Variants in IL17REL observed in about 807,000 individuals in gnomAD.
IL17REL encodes interleukin 17 receptor E like, also known as interleukin-17 receptor E-like protein.
Under a neutral mutation model 49.0 loss-of-function variants are expected in IL17REL, and 36 were observed. That is an observed-to-expected ratio of 0.73 (90% CI 0.56 to 0.97). The LOEUF is 0.97. Among genes scored for constraint, IL17REL ranks in the 50% least tolerant of loss-of-function variants. The pLI, the probability that IL17REL is intolerant of heterozygous loss-of-function variation, is 0.00. For missense variants in IL17REL, 470 were observed against 453.9 expected (o/e 1.04, Z -0.32); for synonymous variants, 206 against 192.4 (o/e 1.07, Z -0.58).
At chr22:49,999,369 G>T (rs1601886746) in intron 6 of IL17REL, 24 bp from the exon 9 acceptor site, 4 of 1,612,724 alleles carry the variant, frequency 2.5e-6, no homozygotes, top group Non-Finnish European at 3.4e-6. Flanking sequence ...TGGGGTCAGC[G>T]CAGCCCACCC....
downstream of IL17REL, among the ~76,000 whole-genome samples, chr22:49,993,832 T>C (rs2061018073): frequency 6.6e-6 from 1 of 152,114 alleles, no homozygotes. This position sits in a 1 kb window ranked among gnomAD's most constrained non-coding sequence, Gnocchi z 6.0. Flanking sequence ...GCAGGGGTCT[T>C]TGTGCACCAC....
chr22:50,004,972 A>G lies in IL17REL; in HGVS notation c.-42+3665T>C, dbSNP rs1312980192. On this transcript the variant is annotated intron_variant, in intron 1 of 12. Coordinates refer to ENST00000341280, the Ensembl canonical transcript of IL17REL. ...AAGAAAGAATCAAAACCAGAAAGTAAAAAAAAAAAAAAAAAAAAAAGGTGA... is the reference window on the plus strand; with the variant it reads ...AAGAAAGAATCAAAACCAGAAAGTAGAAAAAAAAAAAAAAAAAAAAGGTGA... Among the ~76,000 whole-genome samples, 4 of 142,050 alleles carry G rather than the reference A, an allele frequency of 2.8e-5. No individual in the cohort carries two copies. The East Asian group carries it at 8.2e-4, about 29-fold the overall frequency. The allele number at this position is 142,050 out of a possible 152,430, so 93.2% of individuals were successfully genotyped here.
downstream of IL17REL, among the ~76,000 whole-genome samples, chr22:49,992,462 C>T (rs1377895324): frequency 2.0e-5 from 3 of 152,204 alleles, no homozygotes; most frequent in Non-Finnish European, 4.4e-5. Context: ...GGGTCTTGCT[C>T]TGTTACCCAG....
chr22:50,011,120 C>G (rs573087094), upstream of IL17REL, among the ~76,000 whole-genome samples: 29 of 151,894 alleles, frequency 1.9e-4, no homozygotes, highest in East Asian at 5.5e-3. Flanking sequence ...CAGGCAGCGC[C>G]CCTACACCCA....
exon 3 of IL17REL, chr22:50,000,839 C>T (rs1346520696): frequency 3.8e-6 from 6 of 1,585,108 alleles, no homozygotes; most frequent in Non-Finnish European, 5.1e-6. Flanking sequence ...GCTCATGGCA[C>T]AGGCCTCCAG....
chr22:49,999,695 T>C (rs187374922), intron 5 of IL17REL, 133 bp downstream of exon 7: 23,915 of 297,824 alleles, frequency 0.08, 2,763 homozygotes, highest in Admixed American at 0.24. Flanking sequence ...GGGTGGGGCC[T>C]AGGCCTGGCC....
At chr22:50,002,241 C>T (rs2061083698) in intron 1 of IL17REL, among the ~76,000 whole-genome samples, 2 of 152,224 alleles carry the variant, frequency 1.3e-5, no homozygotes, top group Admixed American at 1.3e-4. Context: ...CCCTGCGGAG[C>T]ACTGCATTTG....
chr22:50,003,421 T>C (rs1348051374), intron 1 of IL17REL, among the ~76,000 whole-genome samples: 1 of 148,082 alleles, frequency 6.8e-6, no homozygotes, highest in Non-Finnish European at 1.5e-5. Flanking sequence ...CTCAGGAAGC[T>C]GAGGCAGGAG....
exon 7 of IL17REL, chr22:49,999,326 T>A (rs535659851): frequency 6.2e-7 from 1 of 1,612,928 alleles, no homozygotes; most frequent in African/African-American, 1.3e-5. Flanking sequence ...CCGCACCGCG[T>A]CAGGGGTCGC....
rs148316130 is a variant in IL17REL at position 50,003,564 on chromosome 22, T to C, written c.-41-2333A>G. On this transcript the variant is annotated intron_variant, in intron 1 of 12. Coordinates refer to ENST00000341280, the Ensembl canonical transcript of IL17REL. ...AAAAAGGCTGGGCATGGATCACACC[T>C]GTATTCCCAGCACTTTGAGAGGCCA... 6.5e-4 allele frequency among the ~76,000 whole-genome samples: 94 copies of C among 145,374 alleles called. No individual in the cohort carries two copies. In the East Asian group the frequency reaches 0.019, roughly 29 times the overall value.
chr22:50,004,225 C>T (rs1051953325), intron 1 of IL17REL, among the ~76,000 whole-genome samples: 5 of 152,036 alleles, frequency 3.3e-5, no homozygotes, highest in Non-Finnish European at 7.4e-5. Context: ...ACTACAGGTG[C>T]GTACCACCAC....
At chr22:50,000,949 C>A (rs1310996484) in intron 2 of IL17REL, 86 bp from the exon 4 acceptor site, 1 of 1,301,280 alleles carries the variant, frequency 7.7e-7, no homozygotes, top group South Asian at 1.4e-5. Flanking sequence ...GTTCCTCTGC[C>A]TTCTCTCTGT....
exon 8 of IL17REL, chr22:49,998,215 A>C: frequency 6.2e-7 from 1 of 1,612,450 alleles, no homozygotes; most frequent in Non-Finnish European, 8.5e-7. Flanking sequence ...ACAGGCTCAC[A>C]TGGCCACTCA....
chr22:50,002,614 C>T lies in IL17REL; in HGVS notation c.-41-1383G>A, dbSNP rs535273002. 2.6e-5 allele frequency among the ~76,000 whole-genome samples: 4 copies of T among 151,944 alleles called. No individual in the cohort carries two copies. In the South Asian group the frequency reaches 8.3e-4, roughly 32 times the overall value. ...GCTTCAAGCAATTCTCCTGCCTCAGCCTCACGAGTAGTCGGGATTACAGGC... is the reference window on the plus strand; with the variant it reads ...GCTTCAAGCAATTCTCCTGCCTCAGTCTCACGAGTAGTCGGGATTACAGGC... On this transcript the variant is annotated intron_variant, in intron 1 of 12. Coordinates refer to ENST00000341280, the Ensembl canonical transcript of IL17REL.
At chr22:50,000,095 G>T in intron 4 of IL17REL, 101 bp downstream of exon 6, 3 of 1,099,950 alleles carry the variant, frequency 2.7e-6, no homozygotes, top group Non-Finnish European at 3.7e-6. Flanking sequence ...CCCGCCCGAG[G>T]GCCCCTCAGG....
chr22:50,006,708 C>G (rs964539854), intron 1 of IL17REL, among the ~76,000 whole-genome samples: 1 of 152,094 alleles, frequency 6.6e-6, no homozygotes, highest in Non-Finnish European at 1.5e-5. Flanking sequence ...AATCCCAGCA[C>G]TTTGGGAGGC....
intron 1 of IL17REL, among the ~76,000 whole-genome samples, chr22:50,008,017 T>C (rs765010644): frequency 6.6e-6 from 1 of 151,780 alleles, no homozygotes; most frequent in Non-Finnish European, 1.5e-5. Flanking sequence ...GGCAGGAGGA[T>C]CGCTTGAGCC....
At chr22:50,008,842 G>A (rs1349334558), upstream of IL17REL, 2 of 152,404 alleles carry the variant, frequency 1.3e-5, no homozygotes, top group African/African-American at 4.8e-5. Context: ...AAACAGTGTG[G>A]TCTGAATCCC....
At chr22:50,009,712 G>A (rs1034290314), upstream of IL17REL, among the ~76,000 whole-genome samples, 4 of 152,208 alleles carry the variant, frequency 2.6e-5, no homozygotes, top group African/African-American at 4.8e-5. Flanking sequence ...GTGGGAACAC[G>A]GAAAAATAAA....
Sources: allele counts gnomAD v4.1 joint callset (sites outside exome capture counted in the v4.1 genomes callset), GRCh38; gene constraint gnomAD v4.1.1; non-coding constraint Gnocchi (gnomAD v3.1); transcripts MANE v1.5; gene names NCBI Gene and HGNC (gene_info 2026-07-23, HGNC 2026-07-21).